Variants in NTM observed in about 807,000 individuals in gnomAD.
The protein encoded by NTM is IgLON family member 2.
Under a neutral mutation model 42.1 loss-of-function variants are expected in NTM, and 13 were observed. The ratio of observed to expected loss-of-function variants is 0.31; its 90% CI spans 0.20 to 0.49. The LOEUF is 0.49. Among genes scored for constraint, NTM ranks in the 20% least tolerant of loss-of-function variants. The pLI is 0.99. For missense variants in NTM, 373 were observed against 452.8 expected (o/e 0.82, Z 1.60); for synonymous variants, 187 against 179.2 (o/e 1.04, Z -0.35).
chr11:131,485,150 T>A (rs1486170529), intron 1 of NTM, among the ~76,000 whole-genome samples: 1 of 152,192 alleles, frequency 6.6e-6, no homozygotes, highest in Admixed American at 6.5e-5. Flanking sequence ...CCTTCCCCTA[T>A]CCCAGAGATG....
chr11:131,820,818 G>A (rs1221047023), intron 1 of NTM, among the ~76,000 whole-genome samples: 2 of 152,156 alleles, frequency 1.3e-5, no homozygotes, highest in Non-Finnish European at 2.9e-5. Flanking sequence ...CAATCACAAT[G>A]TTGTACTTAG....
At chr11:132,051,542 G>A (rs1037289200) in intron 2 of NTM, among the ~76,000 whole-genome samples, 1 of 152,130 alleles carries the variant, frequency 6.6e-6, no homozygotes, top group Non-Finnish European at 1.5e-5. Context: ...ATCCTTCTTG[G>A]CATATCACTT....
At chr11:132,036,754 C>G (rs941984698) in intron 2 of NTM, among the ~76,000 whole-genome samples, 9 of 152,144 alleles carry the variant, frequency 5.9e-5, no homozygotes, top group African/African-American at 2.2e-4. Flanking sequence ...CTGGGATAAG[C>G]TCCTTTCTTA....
At chr11:131,402,008 G>T (rs1165553485) in intron 1 of NTM, among the ~76,000 whole-genome samples, 1 of 150,884 alleles carries the variant, frequency 6.6e-6, no homozygotes, top group African/African-American at 2.4e-5. Flanking sequence ...CCTTGCTCTT[G>T]TGGAATAGCA....
At chr11:131,681,070 A>T (rs1370458664) in intron 1 of NTM, among the ~76,000 whole-genome samples, 15 of 13,062 alleles carry the variant, frequency 1.1e-3, no homozygotes, top group East Asian at 3.0e-3. Flanking sequence ...TCCCTGTGTG[A>T]GCGTGTGTGT....
intron 3 of NTM, among the ~76,000 whole-genome samples, chr11:132,176,741 T>TTTTTTTTTC (rs2076881578): frequency 6.8e-6 from 1 of 146,150 alleles, no homozygotes; most frequent in Non-Finnish European, 1.5e-5. Flanking sequence ...TTTTTTTTTT[T>TTTTTTTTTC]TTTTTAGACA....
chr11:132,311,044 GT>G (rs1328495501), intron 6 of NTM, among the ~76,000 whole-genome samples: 6 of 152,166 alleles, frequency 3.9e-5, no homozygotes, highest in Non-Finnish European at 8.8e-5. Flanking sequence ...TGTATGTGGG[GT>G]GGAGTAAGAG....
chr11:131,912,616 G>A (rs1040308865), intron 2 of NTM, among the ~76,000 whole-genome samples: 2 of 152,198 alleles, frequency 1.3e-5, no homozygotes, highest in African/African-American at 4.8e-5. Flanking sequence ...TGAGGTGGAC[G>A]TTAAGAAGGT....
At chr11:132,315,120 TG>T in intron 7 of NTM, 2 of 981,806 alleles carry the variant, frequency 2.0e-6, no homozygotes, top group Non-Finnish European at 2.4e-6. Flanking sequence ...AAGCTGACTG[TG>T]GGAATCATAA....
chr11:132,202,233 C>T (rs764405755), intron 3 of NTM, among the ~76,000 whole-genome samples: 3 of 152,100 alleles, frequency 2.0e-5, no homozygotes, highest in Non-Finnish European at 4.4e-5. Context: ...TTCAGTTTCT[C>T]GACTACACGG....
At chr11:132,220,372 C>T (rs1481499548) in intron 4 of NTM, among the ~76,000 whole-genome samples, 1 of 152,188 alleles carries the variant, frequency 6.6e-6, no homozygotes, top group East Asian at 1.9e-4. Context: ...TGTAAAATTA[C>T]TGCTAGATAG....
At chr11:131,780,254 C>T (rs1006982446) in intron 1 of NTM, among the ~76,000 whole-genome samples, 1 of 152,054 alleles carries the variant, frequency 6.6e-6, no homozygotes, top group Non-Finnish European at 1.5e-5. Flanking sequence ...AAGAGAGCCA[C>T]GCAGGGACAG....
intron 7 of NTM, chr11:132,317,690 GGTCA>G: frequency 4.6e-6 from 6 of 1,303,500 alleles, no homozygotes; most frequent in Non-Finnish European, 6.1e-6. Flanking sequence ...TTTGTTGCAA[GGTCA>G]GTATCTTCCT....
chr11:131,450,297 G>A (rs1259065067), intron 1 of NTM, among the ~76,000 whole-genome samples: 2 of 152,192 alleles, frequency 1.3e-5, no homozygotes, highest in East Asian at 1.9e-4. Flanking sequence ...TGCATGGGGT[G>A]AGGAAGTGGG....
chr11:131,391,353 C>T (rs2135590283), intron 1 of NTM, among the ~76,000 whole-genome samples: 1 of 152,246 alleles, frequency 6.6e-6, no homozygotes, highest in Non-Finnish European at 1.5e-5. Flanking sequence ...CAGCTCTCCA[C>T]TGCCAAGCTT....
intron 1 of NTM, among the ~76,000 whole-genome samples, chr11:131,507,969 G>A (rs911489201): frequency 1.3e-5 from 2 of 152,066 alleles, no homozygotes; most frequent in African/African-American, 4.8e-5. Flanking sequence ...CAGGACATAG[G>A]CACGGGCAAG....
chr11:131,904,214 TCAAA>T (rs1409206606), intron 1 of NTM, among the ~76,000 whole-genome samples: 1 of 152,062 alleles, frequency 6.6e-6, no homozygotes, highest in Non-Finnish European at 1.5e-5. Context: ...GGGGAAAAGA[TCAAA>T]CAGAGACAAA....
chr11:131,462,514 G>A (rs530845288), intron 1 of NTM, among the ~76,000 whole-genome samples: 379 of 152,360 alleles, frequency 2.5e-3, no homozygotes, highest in Non-Finnish European at 4.7e-3. Flanking sequence ...CAAATGGCAC[G>A]TTGAAGTTAG....
At chr11:131,860,653 T>G (rs1398364954) in intron 1 of NTM, among the ~76,000 whole-genome samples, 1 of 152,146 alleles carries the variant, frequency 6.6e-6, no homozygotes, top group East Asian at 1.9e-4. Flanking sequence ...GTGGAAACCT[T>G]CCTGAAATCC....
Sources: allele counts gnomAD v4.1 joint callset (sites outside exome capture counted in the v4.1 genomes callset), GRCh38; gene constraint gnomAD v4.1.1; transcripts MANE v1.5; gene names NCBI Gene and HGNC (gene_info 2026-07-23, HGNC 2026-07-21).